The following FYB2 variants were observed in gnomAD, a reference collection of about 807,000 sequenced individuals.
The protein encoded by FYB2 is FYN binding protein 2.
A neutral mutation model predicts 94.1 loss-of-function variants in FYB2; 103 were observed. The observed-to-expected ratio is 1.09, with a 90% CI of 0.93 to 1.29. FYB2 has a LOEUF of 1.29. FYB2 is among the 50% of genes most tolerant of loss of function. FYB2 has a pLI of 0.00. For missense variants in FYB2, 896 were observed against 841.5 expected, an observed-to-expected ratio of 1.06 and a Z score of -0.80; for synonymous variants, 293 against 287.9, an observed-to-expected ratio of 1.02 and a Z score of -0.18.
At chr1:56,740,913 A>G (rs925476067) in intron 12 of FYB2, 118 bp from the exon 13 acceptor site, 50 of 598,224 alleles carry the variant, frequency 8.4e-5, no homozygotes, top group Admixed American at 9.9e-5. Context: ...GAGCTAAACA[A>G]TAGGTATACA....
At chr1:56,819,481 G>A, upstream of FYB2, 5 of 742,628 alleles carry the variant, frequency 6.7e-6, no homozygotes, top group Non-Finnish European at 1.1e-5. Flanking sequence ...CTGGGCCAGG[G>A]CCGGCCGCCA....
At chr1:56,743,808 T>G (rs1390545451) in intron 11 of FYB2, among the ~76,000 whole-genome samples, 1 of 152,232 alleles carries the variant, frequency 6.6e-6, no homozygotes, top group Middle Eastern at 3.4e-3. Context: ...ACCATAAGAA[T>G]GCTCTTACCA....
upstream of FYB2, among the ~76,000 whole-genome samples, chr1:56,822,742 C>A (rs1195323954): frequency 4.4e-5 from 1 of 22,774 alleles, no homozygotes; most frequent in Non-Finnish European, 8.4e-5. Flanking sequence ...CAGAATACCC[C>A]GATGTAAAAA....
At chr1:56,791,890 A>G (rs187957498) in intron 2 of FYB2, among the ~76,000 whole-genome samples, 166 bp downstream of exon 2, 3 of 152,206 alleles carry the variant, frequency 2.0e-5, no homozygotes, top group Non-Finnish European at 4.4e-5. Context: ...CACTTTACTC[A>G]AACCCGAGGT....
chr1:56,774,524 T>C (rs1011460713), intron 4 of FYB2, among the ~76,000 whole-genome samples: 26 of 147,304 alleles, frequency 1.8e-4, no homozygotes, highest in African/African-American at 6.8e-4. Context: ...AACACACACA[T>C]ATGTGTGCAT....
In FYB2 at chr1:56,806,139, TCA is replaced by T. The variant is rs538382214; in HGVS notation, c.9+13141_9+13142del. Among the ~76,000 whole-genome samples the T allele has an allele frequency of 8.5e-5, 13 of 152,288 alleles. No homozygotes were observed. The South Asian group carries it at 2.5e-3, about 29-fold the overall frequency. ...GACACAGGCCTTGCTGTCCTGGGGT[TCA>T]CAGTCTCATGGAAAAGATGGACACA... On this transcript the variant is annotated intron_variant, in intron 1 of 19. Transcript: ENST00000343433.
intron 9 of FYB2, among the ~76,000 whole-genome samples, chr1:56,748,932 A>T (rs1435330705): frequency 6.6e-6 from 1 of 151,494 alleles, no homozygotes; most frequent in East Asian, 1.9e-4. Context: ...ACAACATCTT[A>T]TTTTTCTTTC....
chr1:56,803,760 G>A (rs1646574105), intron 1 of FYB2, among the ~76,000 whole-genome samples: 1 of 152,164 alleles, frequency 6.6e-6, no homozygotes, highest in Non-Finnish European at 1.5e-5. Context: ...CCTCTAGTGT[G>A]GGCCTTGTTT....
intron 6 of FYB2, among the ~76,000 whole-genome samples, chr1:56,757,644 CCTTT>C (rs767179307): frequency 2.3e-4 from 35 of 150,344 alleles, no homozygotes; most frequent in South Asian, 1.5e-3. Context: ...CTTTTCTTTT[CCTTT>C]CTTTCTTTCT....
chr1:56,810,071 G>A (rs1199166256), intron 1 of FYB2, among the ~76,000 whole-genome samples: 1 of 152,098 alleles, frequency 6.6e-6, no homozygotes, highest in African/African-American at 2.4e-5. Flanking sequence ...AGGGGGAAGA[G>A]GGAAAGAAGG....
intron 19 of FYB2, 106 bp from the exon 20 acceptor site, chr1:56,719,798 C>A: frequency 8.5e-7 from 1 of 1,172,902 alleles, no homozygotes; most frequent in South Asian, 1.5e-5. Flanking sequence ...TGTTTGTGTT[C>A]TTTTAAAATG....
intron 4 of FYB2, among the ~76,000 whole-genome samples, chr1:56,782,993 G>A (rs1380500247): frequency 6.6e-6 from 1 of 152,144 alleles, no homozygotes; most frequent in African/African-American, 2.4e-5. Context: ...CACACAAATA[G>A]GGACTGCTTA....
At chr1:56,791,579 T>C (rs1646266781) in intron 2 of FYB2, among the ~76,000 whole-genome samples, 1 of 152,138 alleles carries the variant, frequency 6.6e-6, no homozygotes, top group Non-Finnish European at 1.5e-5. Flanking sequence ...TAGATAATAC[T>C]AAGGTGAACC....
intron 11 of FYB2, among the ~76,000 whole-genome samples, chr1:56,742,683 T>C (rs1392953697): frequency 1.3e-5 from 2 of 152,130 alleles, no homozygotes; most frequent in Non-Finnish European, 2.9e-5. Flanking sequence ...AGTTATACTT[T>C]AATTCAATCC....
At chr1:56,747,566 G>A (rs930071707) in intron 9 of FYB2, among the ~76,000 whole-genome samples, 7 of 151,998 alleles carry the variant, frequency 4.6e-5, no homozygotes, top group African/African-American at 7.2e-5. Flanking sequence ...CTTCACCCAT[G>A]TCCTTGCAAA....
chr1:56,818,277 G>A (rs947756705), intron 1 of FYB2, among the ~76,000 whole-genome samples: 5 of 151,978 alleles, frequency 3.3e-5, no homozygotes, highest in African/African-American at 1.2e-4. Flanking sequence ...GGACTGGAGT[G>A]ATTTGCCACA....
At chr1:56,786,173 A>C (rs1379989787) in intron 4 of FYB2, among the ~76,000 whole-genome samples, 1 of 152,202 alleles carries the variant, frequency 6.6e-6, no homozygotes, top group Non-Finnish European at 1.5e-5. Context: ...CCAATATTGC[A>C]AAGTTGCCTA....
chr1:56,818,494 A>G (rs997440817), intron 1 of FYB2, among the ~76,000 whole-genome samples: 5 of 146,000 alleles, frequency 3.4e-5, no homozygotes, highest in Admixed American at 3.4e-4. Flanking sequence ...ACACACACAC[A>G]CACACATGCA....
At chr1:56,753,506 C>A (rs1372109951) in intron 8 of FYB2, among the ~76,000 whole-genome samples, 1 of 152,048 alleles carries the variant, frequency 6.6e-6, no homozygotes, top group Non-Finnish European at 1.5e-5. Flanking sequence ...GGCCTTAGGG[C>A]ACAACGTTTA....
Sources: gnomAD v4.1 joint callset for allele counts (sites outside exome capture counted in the v4.1 genomes callset) on GRCh38, gnomAD v4.1.1 for gene constraint, MANE v1.5 for transcripts, NCBI Gene and HGNC (gene_info 2026-07-23, HGNC 2026-07-21) for gene names.